The following HEATR4 variants were observed in gnomAD, a reference collection of about 807,000 sequenced individuals.
The protein encoded by HEATR4 is HEAT repeat-containing protein 4.
A neutral mutation model predicts 108.8 loss-of-function variants in HEATR4; 95 were observed. The observed-to-expected ratio is 0.87, with a 90% confidence interval of 0.74 to 1.04. HEATR4 has a LOEUF of 1.04. Among genes scored for constraint, HEATR4 ranks in the 50% least tolerant of loss-of-function variants. The pLI, the probability that HEATR4 is intolerant of heterozygous loss-of-function variation, is 0.00. For missense variants in HEATR4, 1,152 were observed against 1,253.8 expected (o/e 0.92, Z 1.23); for synonymous variants, 443 against 459.4 (o/e 0.96, Z 0.46).
the HEATR4 span, chr14:73,619,734 G>A: frequency 2.5e-6 from 4 of 1,614,004 alleles, no homozygotes; most frequent in Admixed American, 5.0e-5. Flanking sequence ...ATGGAGGTGA[G>A]CCAAAGGCTC....
chr14:73,611,322 C>CTTA, the HEATR4 span, among the ~76,000 whole-genome samples: 2 of 152,336 alleles, frequency 1.3e-5, no homozygotes, highest in African/African-American at 4.8e-5. Flanking sequence ...AGTCAAGGGA[C>CTTA]TTATAGTCTC....
At chr14:73,530,867 G>A (rs1888673810) in intron 1 of HEATR4, among the ~76,000 whole-genome samples, 2 of 85,530 alleles carry the variant, frequency 2.3e-5, no homozygotes, top group Non-Finnish European at 4.7e-5. Flanking sequence ...TTGAACTCCT[G>A]GACTCAAACG....
intron 5 of HEATR4, among the ~76,000 whole-genome samples, chr14:73,515,280 T>G (rs74571265): frequency 0.02 from 3,045 of 152,278 alleles, 117 homozygotes; most frequent in African/African-American, 0.069. Flanking sequence ...CCATTTCTGT[T>G]TTTTTCCAAG....
At chr14:73,500,413 G>T in intron 12 of HEATR4, 137 bp downstream of exon 12, 1 of 875,070 alleles carries the variant, frequency 1.1e-6, no homozygotes, top group Non-Finnish European at 1.7e-6. Flanking sequence ...GTTTGAAGTG[G>T]CTTATACACC....
chr14:73,513,208 C>A (rs1887369758), intron 6 of HEATR4, among the ~76,000 whole-genome samples: 1 of 152,182 alleles, frequency 6.6e-6, no homozygotes, highest in Admixed American at 6.5e-5. Context: ...CTTGTAATCC[C>A]AGCACTTTGG....
chr14:73,520,861 T>C lies in HEATR4; in HGVS notation c.1060A>G (p.Ile354Val), dbSNP rs1329668878. Residue 354 changes from isoleucine to valine, a missense_variant, in exon 4 of 18, where the codon ATT becomes GTT. Coordinates refer to ENST00000553558, the MANE Select transcript of HEATR4 (RefSeq NM_001220484.1). Reference sequence around the variant, plus strand: ...GGCCCAGCTCTATTACCAAAGTAAATCTCCTGTTCAAAGGTGTTGTCTGTG... The same window carrying C: ...GGCCCAGCTCTATTACCAAAGTAAACCTCCTGTTCAAAGGTGTTGTCTGTG... The part of the protein sequence containing the change: ...YSTDNTFEQE[I>V]YFDEVQIIHQ... 1 of 1,613,714 alleles carries C rather than the reference T, an allele frequency of 6.2e-7. No individual in the cohort carries two copies. The highest frequency in any genetic ancestry group is 1.1e-5 in the South Asian group (1 of 91,038).
chr14:73,525,905 A>G (rs564183792), intron 2 of HEATR4, among the ~76,000 whole-genome samples: 1 of 152,052 alleles, frequency 6.6e-6, no homozygotes, highest in Admixed American at 6.6e-5. Context: ...GTGAGACGAA[A>G]TGGTGCCACT....
Position 73,509,409 on chromosome 14 carries a change from C to T in HEATR4, c.1623G>A (p.Lys541=), listed in dbSNP as rs1887060973. ...LPALEAALCD[K]NAHVRMAAAI... ...CTGCTGCCATCCGCACATGGGCATT[C>T]TTGTCACAAAGAGCAGCCTCTAGGG... is the stretch of plus-strand genomic sequence containing the variant. Residue 541 remains lysine (K), a synonymous_variant, in exon 8 of 18, where the codon AAG becomes AAA. Transcript: ENST00000553558. 1.9e-6 allele frequency: 3 copies of T among 1,614,098 alleles called. No individual in the cohort carries two copies. The highest frequency in any genetic ancestry group is 2.5e-6 in the Non-Finnish European group (3 of 1,180,032).
Position 73,529,498 on chromosome 14 carries a change from A to ATGC in HEATR4, c.-73+665_-73+667dup, listed in dbSNP as rs567872515. On this transcript the variant is annotated intron_variant, in intron 2 of 17. Coordinates refer to ENST00000553558, the MANE Select transcript of HEATR4 (RefSeq NM_001220484.1). ...AATGGGGTTGGAAGGGTTAGGCTAC[A>ATGC]TGCCTCTAGTTAAAACCTGATGAAC... 2.3e-4 allele frequency among the ~76,000 whole-genome samples: 35 copies of ATGC among 152,228 alleles called. No individual in the cohort carries two copies. The South Asian group carries it at 6.8e-3, about 30-fold the overall frequency.
At position 73,490,951 on chromosome 14, in the gene HEATR4, T is replaced by G; in HGVS notation, c.2844+2115A>C. 14 of 1,285,030 alleles carry G rather than the reference T, an allele frequency of 1.1e-5. 1 individual carries two copies. Among genetic ancestry groups the G allele is most frequent in the Non-Finnish European group, 1.4e-5 (14 of 1,011,064 alleles). 79.6% of individuals were successfully genotyped at this position (1,285,030 alleles called of 1,614,324 possible). The stretch of plus-strand genomic sequence containing the variant: ...CCTTCCCAGAGTGCACCGCAGCCGC[T>G]GCATTCAGGAACCGCTTTAGCTTCG... On this transcript the variant is annotated intron_variant, in intron 17 of 17. Transcript: ENST00000553558.
At chr14:73,560,039 C>T (rs181713447), upstream of HEATR4, among the ~76,000 whole-genome samples, 3 of 152,284 alleles carry the variant, frequency 2.0e-5, no homozygotes, top group African/African-American at 7.2e-5. Flanking sequence ...CTAGCTTTTA[C>T]AAGGAGACTC....
intron 17 of HEATR4, among the ~76,000 whole-genome samples, chr14:73,479,903 A>G (rs561428683): frequency 6.6e-6 from 1 of 152,284 alleles, no homozygotes; most frequent in South Asian, 2.1e-4. Flanking sequence ...TCAAAAGCCT[A>G]ACACCAGGGT....
the HEATR4 span, among the ~76,000 whole-genome samples, chr14:73,602,803 T>C: frequency 1.3e-5 from 2 of 152,202 alleles, no homozygotes; most frequent in African/African-American, 2.4e-5. Context: ...ATGCTTCCCA[T>C]GTAACTAACC....
intron 14 of HEATR4, among the ~76,000 whole-genome samples, chr14:73,497,427 C>A (rs1431552069): frequency 6.6e-6 from 1 of 152,142 alleles, no homozygotes; most frequent in Non-Finnish European, 1.5e-5. Context: ...TTAATTATCA[C>A]CACAACCCTA....
Position 73,492,180 on chromosome 14 carries a change from A to G in HEATR4, c.2844+886T>C. The G allele has an allele frequency of 1.2e-6, 2 of 1,614,006 alleles. No individual in the cohort carries two copies. The highest frequency in any genetic ancestry group is 1.7e-6 in the Non-Finnish European group (2 of 1,179,884). ...GACGACCTCGGTGAGCCGGTGCTGCAGACCGTGCTGGAACCTGGAGATTTG... is the reference window on the plus strand; with the variant it reads ...GACGACCTCGGTGAGCCGGTGCTGCGGACCGTGCTGGAACCTGGAGATTTG... On this transcript the variant is annotated intron_variant, in intron 17 of 17. Transcript: ENST00000553558. This position sits in a 1 kb window ranked among gnomAD's most constrained non-coding sequence, Gnocchi z 4.9.
the HEATR4 span, chr14:73,612,687 G>T: frequency 4.3e-4 from 611 of 1,406,900 alleles, 7 homozygotes; most frequent in Non-Finnish European, 1.2e-4. Flanking sequence ...ACGTCCCTGC[G>T]CGACGAAGAG....
the HEATR4 span, among the ~76,000 whole-genome samples, chr14:73,618,475 T>C: frequency 2.0e-5 from 3 of 151,324 alleles, no homozygotes; most frequent in East Asian, 3.9e-4. Context: ...AAGGAGCCAG[T>C]GATGGAAGAG....
intron 8 of HEATR4, among the ~76,000 whole-genome samples, chr14:73,508,515 A>C (rs1044751384): frequency 4.6e-5 from 7 of 152,114 alleles, no homozygotes; most frequent in Non-Finnish European, 1.0e-4. Flanking sequence ...TTGGGAGGCC[A>C]AGGTGGGCGG....
chr14:73,493,333 CTGTT>C lies in HEATR4; in HGVS notation c.2786-213_2786-210del, dbSNP rs1885913600. 7.6e-6 allele frequency: 4 copies of C among 527,868 alleles called. No individual in the cohort carries two copies. In the South Asian group the frequency reaches 9.0e-5, roughly 12 times the overall value. 32.7% of individuals were successfully genotyped at this position (527,868 alleles called of 1,614,324 possible). On this transcript the variant is annotated intron_variant, in intron 16 of 17. Coordinates refer to ENST00000553558, the MANE Select transcript of HEATR4 (RefSeq NM_001220484.1). ...TCATGGGCGGGTCGGGGTCAGTATC[CTGTT>C]TGTTATTGTTAAATTTGTATGAACC...
Sources: gnomAD v4.1 joint callset for allele counts (sites outside exome capture counted in the v4.1 genomes callset) on GRCh38, gnomAD v4.1.1 for gene constraint, Gnocchi (gnomAD v3.1) non-coding constraint, MANE v1.5 for transcripts, NCBI Gene and HGNC (gene_info 2026-07-23, HGNC 2026-07-21) for gene names.